The following SLC7A5 variants were observed in gnomAD, a reference collection of about 807,000 sequenced individuals.
The protein encoded by SLC7A5 is solute carrier family 7 member 5.
A neutral mutation model predicts 50.2 loss-of-function variants in SLC7A5; 23 were observed. The observed-to-expected ratio is 0.46, with a 90% CI of 0.33 to 0.65. SLC7A5 has a LOEUF of 0.65. SLC7A5 is among the 30% of genes least tolerant of loss of function. The pLI is 0.02. For synonymous variants in SLC7A5, 393 were observed against 330.6 expected, an observed-to-expected ratio of 1.19 and a Z score of -2.05; for missense variants, 578 against 684.4, an observed-to-expected ratio of 0.84 and a Z score of 1.73.
rs773083037 is a variant in SLC7A5 at position 87,869,380 on chromosome 16, C to T, written c.43G>A (p.Ala15Thr). ...GPKRRALAAP[A>T]AEEKEEAREK... ...CGCGCCTCTTCCTTCTCCTCGGCCG[C>T]CGGCGCCGCTAGCGCGCGCCGCTTC... The change falls in exon 1 of 10, where the codon GCG becomes ACG. Residue 15 changes from alanine to threonine, a missense_variant. Physicochemically the swap from Ala to Thr is moderately conservative, Grantham distance 58 (BLOSUM62 0). Around this residue, in one of 2 missense-constraint regions of SLC7A5, gnomAD observed 113 missense variants for 89.8 expected, o/e 1.26. Transcript: ENST00000261622. 18 of 1,596,574 alleles carry T rather than the reference C, an allele frequency of 1.1e-5. No individual in the cohort carries two copies. Among genetic ancestry groups the T allele is most frequent in the Non-Finnish European group, 1.5e-5 (18 of 1,174,518 alleles).
At chr16:87,863,517 C>T (rs2055423802) in intron 1 of SLC7A5, 1 of 152,188 alleles carries the variant, frequency 6.6e-6, no homozygotes, top group East Asian at 1.9e-4. Flanking sequence ...AATAAATAAC[C>T]ACACAACCCT....
chr16:87,834,875 C>T (rs2054978945), intron 8 of SLC7A5, among the ~76,000 whole-genome samples: 1 of 152,232 alleles, frequency 6.6e-6, no homozygotes, highest in African/African-American at 2.4e-5. Flanking sequence ...AAGGTCACGG[C>T]TCCATTCCCA....
chr16:87,843,409 G>T (rs887328440), intron 2 of SLC7A5, among the ~76,000 whole-genome samples: 14 of 73,638 alleles, frequency 1.9e-4, no homozygotes, highest in Non-Finnish European at 3.1e-4. Context: ...CACCACGCTT[G>T]GCTAATTTTT....
rs1019518715 is a variant in SLC7A5 at position 87,853,463 on chromosome 16, C to T, written c.539-1614G>A. ...TTGAAATTCCGGAACTTCCACTCCT[C>T]ACCCAAACTGAAGAGGTGATTCTTC... On this transcript the variant is annotated intron_variant, in intron 1 of 9. Transcript: ENST00000261622. This position sits in a 1 kb window ranked among gnomAD's most constrained non-coding sequence, Gnocchi z 4.4. 1.3e-5 allele frequency among the ~76,000 whole-genome samples: 2 copies of T among 152,172 alleles called. No individual in the cohort carries two copies. Among genetic ancestry groups the T allele is most frequent in the African/African-American group, 2.4e-5 (1 of 41,438 alleles).
intron 2 of SLC7A5, among the ~76,000 whole-genome samples, chr16:87,850,309 C>T (rs1225242460): frequency 2.0e-5 from 3 of 152,216 alleles, no homozygotes; most frequent in Non-Finnish European, 4.4e-5. Context: ...AGGCAGCGTC[C>T]TTGTGTCTGC....
intron 2 of SLC7A5, among the ~76,000 whole-genome samples, chr16:87,850,044 C>T (rs1023972990): frequency 1.8e-4 from 28 of 152,236 alleles, no homozygotes; most frequent in African/African-American, 6.5e-4. Context: ...GTCAGTATAG[C>T]CCGGCACTGC....
At chr16:87,848,874 T>A (rs1273840913) in intron 2 of SLC7A5, among the ~76,000 whole-genome samples, 1 of 151,658 alleles carries the variant, frequency 6.6e-6, no homozygotes, top group East Asian at 1.9e-4. Flanking sequence ...GATGGCCAAC[T>A]GGGAAGGGGT....
chr16:87,838,163 C>T (rs930159980), intron 6 of SLC7A5, among the ~76,000 whole-genome samples: 9 of 152,224 alleles, frequency 5.9e-5, no homozygotes, highest in Admixed American at 2.6e-4. Context: ...CACTCCAGCC[C>T]GGGGGGTCAA....
chr16:87,838,465 T>C (rs570461972), intron 6 of SLC7A5, among the ~76,000 whole-genome samples: 1 of 152,234 alleles, frequency 6.6e-6, no homozygotes, highest in East Asian at 1.9e-4. Flanking sequence ...CTAATTTTTG[T>C]ATATTTTTGT....
At chr16:87,851,178 G>A (rs1250949671) in intron 2 of SLC7A5, among the ~76,000 whole-genome samples, 1 of 152,234 alleles carries the variant, frequency 6.6e-6, no homozygotes, top group East Asian at 1.9e-4. Context: ...GGGTTACCAC[G>A]TTTGTTTTGT....
In SLC7A5 at chr16:87,832,239, C is replaced by T. The variant is rs1212771494; in HGVS notation, c.*731G>A. The T allele has an allele frequency of 6.6e-6, 1 of 152,340 alleles. No individual in the cohort carries two copies. Among genetic ancestry groups the T allele is most frequent in the South Asian group, 2.1e-4 (1 of 4,834 alleles). 9.4% of individuals were successfully genotyped at this position (152,340 alleles called of 1,614,324 possible). A position where few individuals can be genotyped will look rare whatever the true frequency, so the allele number is the denominator to read the frequency against. On this transcript the variant is annotated 3_prime_UTR_variant, in exon 10 of 10. Transcript: ENST00000261622. This position sits in a 1 kb window ranked among gnomAD's most constrained non-coding sequence, Gnocchi z 4.6. Reference sequence around the variant, plus strand: ...CCAAGAGGCCACACTGCCCAGAGGCCAGGCCTGGTGAGCTAGGGGAGATGC... The same window carrying T: ...CCAAGAGGCCACACTGCCCAGAGGCTAGGCCTGGTGAGCTAGGGGAGATGC...
intron 1 of SLC7A5, among the ~76,000 whole-genome samples, chr16:87,863,944 G>A (rs2055428365): frequency 1.5e-5 from 2 of 129,070 alleles, no homozygotes; most frequent in African/African-American, 5.5e-5. Flanking sequence ...CCCTTCCTAA[G>A]CAGAAAATTC....
At position 87,831,048 on chromosome 16, in the gene SLC7A5, C is replaced by T. The variant is rs570537685; in HGVS notation, c.*1922G>A. The T allele has an allele frequency of 6.6e-6, 1 of 152,338 alleles. No individual in the cohort carries two copies. Among genetic ancestry groups the T allele is most frequent in the South Asian group, 2.1e-4 (1 of 4,830 alleles). 9.4% of individuals were successfully genotyped at this position (152,338 alleles called of 1,614,324 possible). A position where few individuals can be genotyped will look rare whatever the true frequency, so the allele number is the denominator to read the frequency against. On this transcript the variant is annotated 3_prime_UTR_variant, in exon 10 of 10. Coordinates refer to ENST00000261622, the MANE Select transcript of SLC7A5 (RefSeq NM_003486.7). ...TGGCTGCCTACGATGTCCACTGCCT[C>T]CTGGATTCACACAGCAATGCACCAG...
In SLC7A5 at chr16:87,837,932, G is replaced by A. The variant is rs199932832; in HGVS notation, c.1053C>T (p.Phe351=). 94 of 1,604,016 alleles carry A rather than the reference G, an allele frequency of 5.9e-5. 2 individuals are homozygous for A. Among genetic ancestry groups the A allele is most frequent in the Admixed American group, 2.1e-4 (12 of 58,378 alleles). Residue 351 remains phenylalanine, a synonymous_variant, in exon 7 of 10, where the codon TTC becomes TTT. Coordinates refer to ENST00000261622, the MANE Select transcript of SLC7A5 (RefSeq NM_003486.7). ...GSLFTSSRLF[F]VGSREGHLPS... ...GCAGGTGGCCTTCCCGGGACCCCACGAAGAAGAGCCTGTGGACAGACAAGA... is the reference window on the plus strand; with the variant it reads ...GCAGGTGGCCTTCCCGGGACCCCACAAAGAAGAGCCTGTGGACAGACAAGA...
rs1003893741 is a variant in SLC7A5 at position 87,853,459 on chromosome 16, T to G, written c.539-1610A>C. ...ATACTTGAAATTCCGGAACTTCCAC[T>G]CCTCACCCAAACTGAAGAGGTGATT... is the stretch of plus-strand genomic sequence containing the variant. On this transcript the variant is annotated intron_variant, in intron 1 of 9. Transcript: ENST00000261622. This position sits in a 1 kb window ranked among gnomAD's most constrained non-coding sequence, Gnocchi z 4.4. Among the ~76,000 whole-genome samples the G allele has an allele frequency of 6.6e-6, 1 of 152,138 alleles. No individual in the cohort carries two copies. Among genetic ancestry groups the G allele is most frequent in the Non-Finnish European group, 1.5e-5 (1 of 68,024 alleles).
chr16:87,840,339 C>T (rs1487682009), intron 4 of SLC7A5, 90 bp downstream of exon 4: 1 of 1,214,434 alleles, frequency 8.2e-7, no homozygotes, highest in South Asian at 1.2e-5. Context: ...CTGGCCTGAG[C>T]CGACCAACAG....
chr16:87,854,067 C>T (rs1362595161), intron 1 of SLC7A5: 1 of 84,406 alleles, frequency 1.2e-5, no homozygotes, highest in Non-Finnish European at 2.2e-5. Flanking sequence ...GGCCAGGACC[C>T]CCCCGCCCCC....
chr16:87,869,137 A>C lies in SLC7A5; in HGVS notation c.286T>G (p.Ser96Ala). 6.2e-7 allele frequency: 1 copy of C among 1,611,904 alleles called. No homozygotes were observed. The highest frequency in any genetic ancestry group is 1.7e-5 in the Admixed American group (1 of 60,004). The change falls in exon 1 of 10, where the codon TCC (serine) becomes GCC (alanine). Residue 96 changes from serine (S) to alanine (A), a missense_variant. Ser to Ala is a moderately conservative substitution (Grantham distance 99, BLOSUM62 1). This residue lies in a region of SLC7A5 where 465 missense variants were observed against 594.6 expected (regional missense o/e 0.78). Transcript: ENST00000261622. ...GCGTAGCAGAGCGCGCCCACGATGGAGAAGACGCCGCACGCGGCCCACACC... is the reference window on the plus strand; with the variant it reads ...GCGTAGCAGAGCGCGCCCACGATGGCGAAGACGCCGCACGCGGCCCACACC... ...LVVWAACGVF[S>A]IVGALCYAEL...
chr16:87,868,940 G>C lies in SLC7A5; in HGVS notation c.483C>G (p.Phe161Leu), dbSNP rs1293213883. 6.2e-7 allele frequency: 1 copy of C among 1,610,600 alleles called. No individual in the cohort carries two copies. Among genetic ancestry groups the C allele is most frequent in the Non-Finnish European group, 8.5e-7 (1 of 1,179,458 alleles). The stretch of plus-strand genomic sequence containing the variant: ...CCTCCTCGGGCACCGGGCAGGTGGG[G>C]AAGAGCGGCTTGAGCAGGTAGGTGG... ...VFATYLLKPLFPTCPVPEEAA... is the reference protein window; with the variant it reads ...VFATYLLKPLLPTCPVPEEAA... The change falls in exon 1 of 10, where the codon TTC becomes TTG. Residue 161 changes from phenylalanine to leucine, a missense_variant. Phe to Leu is a conservative substitution (Grantham distance 22, BLOSUM62 0). Around this residue, in one of 2 missense-constraint regions of SLC7A5, gnomAD observed 465 missense variants for 594.6 expected, o/e 0.78. Transcript: ENST00000261622.
Sources: gnomAD v4.1 joint callset for allele counts (sites outside exome capture counted in the v4.1 genomes callset) on GRCh38, gnomAD v4.1.1 for gene constraint, gnomAD v4.1.1 regional missense constraint, Gnocchi (gnomAD v3.1) non-coding constraint, MANE v1.5 for transcripts, NCBI Gene and HGNC (gene_info 2026-07-23, HGNC 2026-07-21) for gene names.